BCL11B: variants seen among roughly 807,000 people sequenced by gnomAD.
BCL11B encodes the protein BCL11 transcription factor B.
BCL11B carries 8 observed loss-of-function variants against 49.9 expected under a neutral mutation model. That is an observed-to-expected ratio of 0.16 (90% confidence interval 0.09 to 0.29). BCL11B has a LOEUF of 0.29. Ranked by LOEUF, BCL11B falls within the 10% of genes least tolerant of loss-of-function variation. The probability of loss-of-function intolerance (pLI) is 1.00; values close to 1 mark genes in which losing one functional copy is unlikely to be tolerated. For synonymous variants in BCL11B, 739 were observed against 637.4 expected (o/e 1.16, Z -2.40); for missense variants, 1,006 against 1,351.0 (o/e 0.74, Z 4.00).
intron 3 of BCL11B, among the ~76,000 whole-genome samples, chr14:99,216,791 T>C (rs905814437): frequency 6.6e-6 from 1 of 152,052 alleles, no homozygotes; most frequent in African/African-American, 2.4e-5. Context: ...CACAGACACA[T>C]ACACATATAC....
At chr14:99,209,641 G>A (rs1345837366) in intron 3 of BCL11B, among the ~76,000 whole-genome samples, 1 of 152,152 alleles carries the variant, frequency 6.6e-6, no homozygotes, top group African/African-American at 2.4e-5. Flanking sequence ...CTCAGGCTGA[G>A]CCAGGGCCAT....
At chr14:99,223,287 C>G (rs929918708) in intron 3 of BCL11B, among the ~76,000 whole-genome samples, 11 of 152,222 alleles carry the variant, frequency 7.2e-5, no homozygotes, top group African/African-American at 2.4e-4. Context: ...CTTTCTGTCT[C>G]CTTAGCTGCT....
rs777922532 is a variant in BCL11B at position 99,175,138 on chromosome 14, G to A, written c.1698C>T (p.Arg566=). Residue 566 remains arginine, a synonymous_variant, in exon 4 of 4, where the codon CGC becomes CGT. Transcript: ENST00000357195. ...FSMDSELSRN[R]ENGGGGVPGV... Reference sequence around the variant, plus strand: ...CGGGCACCCCACCACCGCCGTTCTCGCGGTTGCGGCTCAGCTCCGAGTCCA... The same window carrying A: ...CGGGCACCCCACCACCGCCGTTCTCACGGTTGCGGCTCAGCTCCGAGTCCA... The A allele has an allele frequency of 1.4e-5, 23 of 1,595,968 alleles. No individual in the cohort carries two copies. The highest frequency in any genetic ancestry group is 1.7e-4 in the Middle Eastern group (1 of 6,048).
rs71110580 is a variant in BCL11B, at chr14:99,271,298, GCGCCGCTGC to G, written c.-89_-81del. On this transcript the variant is annotated 5_prime_UTR_variant, in exon 1 of 4. Coordinates refer to ENST00000357195, the MANE Select transcript of BCL11B (RefSeq NM_138576.4). ...GGGGGAGGGGGTCCGAGCCGCCGCCGCGCCGCTGCCGCCGCTGCCGCCGCCGCCGCCGCC... is the reference window on the plus strand; with the variant it reads ...GGGGGAGGGGGTCCGAGCCGCCGCCGCGCCGCTGCCGCCGCCGCCGCCGCC... 1,660 of 885,214 alleles carry G rather than the reference GCGCCGCTGC, an allele frequency of 1.9e-3. 58 individuals carry two copies. The highest frequency in any genetic ancestry group is 0.012 in the South Asian group (266 of 21,370). The allele number at this position is 885,214 out of a possible 1,614,324, so 54.8% of individuals were successfully genotyped here.
intron 3 of BCL11B, among the ~76,000 whole-genome samples, chr14:99,201,004 G>A (rs982424435): frequency 5.3e-5 from 8 of 152,182 alleles, no homozygotes; most frequent in South Asian, 2.1e-4. Flanking sequence ...ACAGCCAGAC[G>A]CAGCATGGGA....
chr14:99,234,364 C>G (rs1306177593), intron 2 of BCL11B, among the ~76,000 whole-genome samples: 1 of 152,174 alleles, frequency 6.6e-6, no homozygotes, highest in African/African-American at 2.4e-5. Flanking sequence ...CAGGCTACCT[C>G]CCAGCCCCCA....
intron 3 of BCL11B, among the ~76,000 whole-genome samples, chr14:99,199,090 G>A (rs976298757): frequency 5.3e-5 from 8 of 152,170 alleles, no homozygotes; most frequent in Admixed American, 1.3e-4. Flanking sequence ...TCCGCTTCCT[G>A]AAAATGTGAG....
At chr14:99,271,069 G>T in intron 1 of BCL11B, 92 bp downstream of exon 1, 1 of 1,349,166 alleles carries the variant, frequency 7.4e-7, no homozygotes, top group Non-Finnish European at 9.7e-7. Context: ...CCGGCGCCTG[G>T]CCAGGCTCGG....
At chr14:99,236,223 A>G (rs186192107) in intron 2 of BCL11B, among the ~76,000 whole-genome samples, 2 of 152,362 alleles carry the variant, frequency 1.3e-5, no homozygotes, top group Admixed American at 1.3e-4. Flanking sequence ...AGATAGGCAG[A>G]TAACCCAATT....
Position 99,271,262 on chromosome 14 carries a change from TG to T in BCL11B, c.-45del. 6 of 1,301,708 alleles carry T rather than the reference TG, an allele frequency of 4.6e-6. No homozygotes were observed. Among genetic ancestry groups the T allele is most frequent in the Non-Finnish European group, 9.8e-7 (1 of 1,023,050 alleles). The allele number at this position is 1,301,708 out of a possible 1,614,324, so 80.6% of individuals were successfully genotyped here. ...GGCATCGCCCGGAGAGCTGCACTGA[TG>T]GGGGGAGCCGGGGGAGGGGGTCCGA... On this transcript the variant is annotated 5_prime_UTR_variant, in exon 1 of 4. Coordinates refer to ENST00000357195, the MANE Select transcript of BCL11B (RefSeq NM_138576.4).
At chr14:99,198,433 C>A (rs1446267365) in intron 3 of BCL11B, among the ~76,000 whole-genome samples, 1 of 152,158 alleles carries the variant, frequency 6.6e-6, no homozygotes, top group African/African-American at 2.4e-5. Flanking sequence ...TTGACATTTT[C>A]CCACATCGCT....
chr14:99,215,730 C>T (rs1887814918), intron 3 of BCL11B, among the ~76,000 whole-genome samples: 1 of 152,166 alleles, frequency 6.6e-6, no homozygotes, highest in Admixed American at 6.5e-5. Context: ...CCAATCCCTT[C>T]TTAAAGACAT....
intron 3 of BCL11B, among the ~76,000 whole-genome samples, chr14:99,204,990 T>C (rs1389693732): frequency 6.6e-6 from 1 of 152,152 alleles, no homozygotes; most frequent in Admixed American, 6.5e-5. Flanking sequence ...CTGTGCCCCC[T>C]GTCCTTGGAT....
rs1888880803 is a variant in BCL11B, at chr14:99,247,456, GAGA to G, written c.427+10012_427+10014del. On this transcript the variant is annotated intron_variant, in intron 2 of 3. Transcript: ENST00000357195. The surrounding 1 kb of genome is among the most constrained non-coding windows in gnomAD (Gnocchi z 4.5). The stretch of plus-strand genomic sequence containing the variant: ...GGTTTGTCCCATTTTCTCCCGAACA[GAGA>G]AGAATTCAGACAGTTGTTGTCTCTC... Among the ~76,000 whole-genome samples the G allele has an allele frequency of 6.6e-6, 1 of 152,326 alleles. No homozygotes were observed. The highest frequency in any genetic ancestry group is 2.4e-5 in the African/African-American group (1 of 41,576).
At chr14:99,226,002 C>A (rs969440927) in intron 3 of BCL11B, among the ~76,000 whole-genome samples, 2 of 152,218 alleles carry the variant, frequency 1.3e-5, no homozygotes, top group Non-Finnish European at 2.9e-5. Context: ...GCATGGACAG[C>A]CTCTGCAGCA....
chr14:99,175,821 C>A lies in BCL11B; in HGVS notation c.1015G>T (p.Ala339Ser). The part of the protein sequence containing the change: ...RLSAEEMGLV[A>S]QHPSAFDRVM... ...CGGTCGAAGGCACTGGGGTGCTGGGCGACGAGCCCCATCTCCTCGGCACTG... is the reference window on the plus strand; with the variant it reads ...CGGTCGAAGGCACTGGGGTGCTGGGAGACGAGCCCCATCTCCTCGGCACTG... The change falls in exon 4 of 4, where the codon GCC (alanine) becomes TCC (serine). Residue 339 changes from alanine to serine, a missense_variant. Physicochemically the swap from Ala to Ser is moderately conservative, Grantham distance 99. This residue lies in a region of BCL11B where 411 missense variants were observed against 542.2 expected (regional missense o/e 0.76). Transcript: ENST00000357195. The A allele has an allele frequency of 6.8e-7, 1 of 1,472,630 alleles. No homozygotes were observed. 91.2% of individuals were successfully genotyped at this position (1,472,630 alleles called of 1,614,324 possible). A position where few individuals can be genotyped will look rare whatever the true frequency, so the allele number is the denominator to read the frequency against.
intron 3 of BCL11B, among the ~76,000 whole-genome samples, chr14:99,200,824 G>C (rs905058271): frequency 7.2e-5 from 11 of 152,168 alleles, no homozygotes; most frequent in African/African-American, 2.7e-4. Flanking sequence ...CTCACCTCGG[G>C]GCCTGGAGCC....
intron 3 of BCL11B, among the ~76,000 whole-genome samples, chr14:99,219,743 T>TCTTC (rs140240733): frequency 7.2e-4 from 109 of 152,068 alleles, no homozygotes; most frequent in African/African-American, 2.5e-3. Flanking sequence ...TGTAGAATTT[T>TCTTC]CTTCCCCAAG....
intron 1 of BCL11B, among the ~76,000 whole-genome samples, chr14:99,263,904 C>T (rs914313321): frequency 2.0e-5 from 3 of 152,208 alleles, no homozygotes; most frequent in Non-Finnish European, 4.4e-5. Context: ...TCAGCCATTA[C>T]TAAAAGGTTA....
Sources: gnomAD v4.1 joint callset for allele counts (sites outside exome capture counted in the v4.1 genomes callset) on GRCh38, gnomAD v4.1.1 for gene constraint, gnomAD v4.1.1 regional missense constraint, Gnocchi (gnomAD v3.1) non-coding constraint, MANE v1.5 for transcripts, NCBI Gene and HGNC (gene_info 2026-07-23, HGNC 2026-07-21) for gene names.